FAM124A: variants seen among roughly 807,000 people sequenced by gnomAD.
FAM124A encodes the protein protein FAM124A.
A neutral mutation model predicts 24.5 loss-of-function variants in FAM124A; 23 were observed. The observed-to-expected ratio is 0.94, with a 90% CI of 0.68 to 1.33. FAM124A has a LOEUF of 1.33. Ranked by LOEUF, FAM124A falls within the 40% of genes most tolerant of loss-of-function variation. The probability of loss-of-function intolerance (pLI) is 0.00; values close to 1 mark genes in which losing one functional copy is unlikely to be tolerated. For synonymous variants in FAM124A, 287 were observed against 314.7 expected, an observed-to-expected ratio of 0.91 and a Z score of 0.93; for missense variants, 623 against 722.8, an observed-to-expected ratio of 0.86 and a Z score of 1.58.
chr13:51,282,082 T>C lies in FAM124A; in HGVS notation c.*826T>C, dbSNP rs1954945543. ...AAGAGCATTTGTTGGGATTACAGAATTATAGGCCATTAGACATCATGGGTA... is the reference window on the plus strand; with the variant it reads ...AAGAGCATTTGTTGGGATTACAGAACTATAGGCCATTAGACATCATGGGTA... On this transcript the variant is annotated 3_prime_UTR_variant, in exon 4 of 4. Coordinates refer to ENST00000322475, the MANE Select transcript of FAM124A (RefSeq NM_001242312.2). The C allele has an allele frequency of 6.6e-6, 1 of 152,234 alleles. No individual in the cohort carries two copies. The highest frequency in any genetic ancestry group is 6.5e-5 in the Admixed American group (1 of 15,284). 9.4% of individuals were successfully genotyped at this position (152,234 alleles called of 1,614,324 possible).
chr13:51,247,776 A>T (rs928015438), intron 2 of FAM124A, among the ~76,000 whole-genome samples: 1 of 152,230 alleles, frequency 6.6e-6, no homozygotes, highest in African/African-American at 2.4e-5. Context: ...GAGAAAAGTG[A>T]AATCCATTTA....
intron 2 of FAM124A, among the ~76,000 whole-genome samples, chr13:51,238,591 A>G (rs1267471107): frequency 6.6e-6 from 1 of 152,250 alleles, no homozygotes; most frequent in African/African-American, 2.4e-5. Context: ...AACACGGGAT[A>G]TATCCCTTAT....
intron 2 of FAM124A, among the ~76,000 whole-genome samples, chr13:51,243,788 G>C (rs774296781): frequency 8.5e-5 from 13 of 152,058 alleles, no homozygotes; most frequent in Non-Finnish European, 1.3e-4. Flanking sequence ...CACCTGCCTC[G>C]ATCTCCGAAA....
chr13:51,272,319 A>G lies in FAM124A; in HGVS notation c.835-8131A>G, dbSNP rs1954846662. Among the ~76,000 whole-genome samples the G allele has an allele frequency of 6.6e-6, 1 of 152,010 alleles. No individual in the cohort carries two copies. The highest frequency in any genetic ancestry group is 1.5e-5 in the Non-Finnish European group (1 of 68,006). The stretch of plus-strand genomic sequence containing the variant: ...CAAACCACACTCCCCTCCTGCCCGC[A>G]CTGATTGTCTCTTGTCTTTATCATT... On this transcript the variant is annotated intron_variant, in intron 3 of 3. Coordinates refer to ENST00000322475, the MANE Select transcript of FAM124A (RefSeq NM_001242312.2). The surrounding 1 kb of genome is among the most constrained non-coding windows in gnomAD (Gnocchi z 4.2).
chr13:51,255,959 C>T (rs1364896956), intron 3 of FAM124A, among the ~76,000 whole-genome samples: 1 of 152,206 alleles, frequency 6.6e-6, no homozygotes, highest in East Asian at 1.9e-4. Flanking sequence ...GTTCCTGGAG[C>T]CTATTCTCTA....
chr13:51,246,359 G>A (rs949188909), intron 2 of FAM124A, among the ~76,000 whole-genome samples: 2 of 138,334 alleles, frequency 1.4e-5, no homozygotes, highest in African/African-American at 5.1e-5. Context: ...CCCCTCAAAT[G>A]CTTGGTTTCC....
chr13:51,222,494 C>G lies in FAM124A; in HGVS notation c.-8C>G, dbSNP rs908232546. ...GCCCGCAAGCCGAGCGCGGCCGGGA[C>G]GTGCACCATGGACCCAAAGGCGGGC... is the stretch of plus-strand genomic sequence containing the variant. On this transcript the variant is annotated 5_prime_UTR_variant, in exon 1 of 4. Coordinates refer to ENST00000322475, the MANE Select transcript of FAM124A (RefSeq NM_001242312.2). 2.5e-6 allele frequency: 3 copies of G among 1,223,960 alleles called. No homozygotes were observed. The highest frequency in any genetic ancestry group is 1.6e-5 in the African/African-American group (1 of 63,490). 75.8% of individuals were successfully genotyped at this position (1,223,960 alleles called of 1,614,324 possible). A position where few individuals can be genotyped will look rare whatever the true frequency, so the allele number is the denominator to read the frequency against.
rs1054337775 is a variant in FAM124A at position 51,249,671 on chromosome 13, G to A, written c.101-1797G>A. Reference sequence around the variant, plus strand: ...ATTTAGGAGACTTTCAGTGTTAATCGTGTCTATAGATAACCTTTGCTTCAC... The same window carrying A: ...ATTTAGGAGACTTTCAGTGTTAATCATGTCTATAGATAACCTTTGCTTCAC... On this transcript the variant is annotated intron_variant, in intron 2 of 3. Coordinates refer to ENST00000322475, the MANE Select transcript of FAM124A (RefSeq NM_001242312.2). 6.6e-5 allele frequency among the ~76,000 whole-genome samples: 10 copies of A among 152,274 alleles called. 2 individuals carry two copies. Among genetic ancestry groups the A allele is most frequent in the Admixed American group, 3.9e-4 (6 of 15,290 alleles).
chr13:51,273,263 G>A (rs934123470), intron 3 of FAM124A, among the ~76,000 whole-genome samples: 1 of 152,100 alleles, frequency 6.6e-6, no homozygotes, highest in East Asian at 1.9e-4. Flanking sequence ...AGGTAGCCAG[G>A]GTGCTATTGG....
Position 51,252,115 on chromosome 13 carries a change from G to T in FAM124A, c.748G>T (p.Val250Leu). The change falls in exon 3 of 4, where the codon GTG (valine) becomes TTG (leucine). Residue 250 changes from valine (V) to leucine (L), a missense_variant. Val to Leu is a conservative substitution (Grantham distance 32). Transcript: ENST00000322475. ...CCGAGTGAGGGACATAGGCGAGCTC[G>T]TGCCTCTCCTGCCCAACCCTTGCAG... ...EFRVRDIGEL[V>L]PLLPNPCSPI... The T allele has an allele frequency of 2.5e-6, 4 of 1,614,052 alleles. No individual in the cohort carries two copies. Among genetic ancestry groups the T allele is most frequent in the Non-Finnish European group, 3.4e-6 (4 of 1,180,032 alleles).
rs192392497 is a variant in FAM124A, at chr13:51,283,650, C to T, written c.*2394C>T. Reference sequence around the variant, plus strand: ...CCCAGAAATGTGATTCAGTCAATAGCTGATGAGGAAAAGCAACCTGCAAAC... The same window carrying T: ...CCCAGAAATGTGATTCAGTCAATAGTTGATGAGGAAAAGCAACCTGCAAAC... On this transcript the variant is annotated 3_prime_UTR_variant, in exon 4 of 4. Transcript: ENST00000322475. The T allele has an allele frequency of 1.1e-4, 16 of 150,770 alleles. No individual in the cohort carries two copies. In the East Asian group the frequency reaches 2.5e-3, roughly 24 times the overall value. The allele number at this position is 150,770 out of a possible 1,614,324, so 9.3% of individuals were successfully genotyped here. A position where few individuals can be genotyped will look rare whatever the true frequency, so the allele number is the denominator to read the frequency against.
chr13:51,283,936 C>A lies in FAM124A; in HGVS notation c.*2680C>A, dbSNP rs1368374460. ...CAGTCCAATCTACCAAACTGAGTGA[C>A]CCTAAAGGACATCATAGACAACATT... On this transcript the variant is annotated 3_prime_UTR_variant, in exon 4 of 4. Coordinates refer to ENST00000322475, the MANE Select transcript of FAM124A (RefSeq NM_001242312.2). The A allele has an allele frequency of 6.6e-6, 1 of 152,186 alleles. No homozygotes were observed. The highest frequency in any genetic ancestry group is 2.4e-5 in the African/African-American group (1 of 41,418). The allele number at this position is 152,186 out of a possible 1,614,324, so 9.4% of individuals were successfully genotyped here. A position where few individuals can be genotyped will look rare whatever the true frequency, so the allele number is the denominator to read the frequency against.
At chr13:51,256,628 T>G (rs946151694) in intron 3 of FAM124A, among the ~76,000 whole-genome samples, 3 of 152,204 alleles carry the variant, frequency 2.0e-5, no homozygotes, top group Non-Finnish European at 4.4e-5. Context: ...CAGATGCCAC[T>G]GGGGATGTGA....
Position 51,251,489 on chromosome 13 carries a change from C to T in FAM124A, c.122C>T (p.Ala41Val), listed in dbSNP as rs1237073980. The T allele has an allele frequency of 7.3e-6, 11 of 1,509,128 alleles. No homozygotes were observed. The highest frequency in any genetic ancestry group is 9.7e-6 in the Non-Finnish European group (11 of 1,128,308). The allele number at this position is 1,509,128 out of a possible 1,614,324, so 93.5% of individuals were successfully genotyped here. ...STSSELSVEE[A>V]QDPFLVSIHI... ...CCAGGTGAGCTTTCCGTTGAAGAGGCGCAGGACCCTTTCCTGGTCAGCATC... is the reference window on the plus strand; with the variant it reads ...CCAGGTGAGCTTTCCGTTGAAGAGGTGCAGGACCCTTTCCTGGTCAGCATC... The change falls in exon 3 of 4, where the codon GCG becomes GTG. Residue 41 changes from alanine (A) to valine (V), a missense_variant. Coordinates refer to ENST00000322475, the MANE Select transcript of FAM124A (RefSeq NM_001242312.2). The surrounding 1 kb of genome is among the most constrained non-coding windows in gnomAD (Gnocchi z 5.3).
At chr13:51,228,310 C>T (rs1954337787) in intron 1 of FAM124A, among the ~76,000 whole-genome samples, 2 of 152,192 alleles carry the variant, frequency 1.3e-5, no homozygotes, top group East Asian at 1.9e-4. Flanking sequence ...TCTATGTAAT[C>T]CCTATATGTA....
chr13:51,283,438 C>G lies in FAM124A; in HGVS notation c.*2182C>G, dbSNP rs1244310653. The G allele has an allele frequency of 4.6e-5, 7 of 152,166 alleles. No individual in the cohort carries two copies. The highest frequency in any genetic ancestry group is 3.9e-4 in the Admixed American group (6 of 15,274). The allele number at this position is 152,166 out of a possible 1,614,324, so 9.4% of individuals were successfully genotyped here. A position where few individuals can be genotyped will look rare whatever the true frequency, so the allele number is the denominator to read the frequency against. On this transcript the variant is annotated 3_prime_UTR_variant, in exon 4 of 4. Coordinates refer to ENST00000322475, the MANE Select transcript of FAM124A (RefSeq NM_001242312.2). The stretch of plus-strand genomic sequence containing the variant: ...GCTAGGCTGCTGCCTGAGGTTGATT[C>G]AACATCCCAGCTCCAGTCAACAACA...
chr13:51,223,328 G>C (rs1954281447), intron 1 of FAM124A, among the ~76,000 whole-genome samples: 1 of 152,114 alleles, frequency 6.6e-6, no homozygotes, highest in South Asian at 2.1e-4. Flanking sequence ...TTTAGGAGAT[G>C]AATGTCGTTA....
intron 3 of FAM124A, among the ~76,000 whole-genome samples, chr13:51,255,391 A>G (rs577976917): frequency 1.3e-5 from 2 of 152,344 alleles, no homozygotes; most frequent in South Asian, 4.1e-4. Context: ...CACTAGACAC[A>G]TGTGGCTAGT....
rs537701203 is a variant in FAM124A at position 51,258,769 on chromosome 13, G to A, written c.834+6568G>A. 6.6e-5 allele frequency among the ~76,000 whole-genome samples: 10 copies of A among 152,346 alleles called. No individual in the cohort carries two copies. Among genetic ancestry groups the A allele is most frequent in the African/African-American group, 2.4e-4 (10 of 41,584 alleles). On this transcript the variant is annotated intron_variant, in intron 3 of 3. Coordinates refer to ENST00000322475, the MANE Select transcript of FAM124A (RefSeq NM_001242312.2). This position sits in a 1 kb window ranked among gnomAD's most constrained non-coding sequence, Gnocchi z 4.2. ...CCTAGCAGAGTCACTGAGACCTGTGGGAAGAATGCCTCTGGCGTGCCCTCG... is the reference window on the plus strand; with the variant it reads ...CCTAGCAGAGTCACTGAGACCTGTGAGAAGAATGCCTCTGGCGTGCCCTCG...
Sources: gnomAD v4.1 joint callset for allele counts (sites outside exome capture counted in the v4.1 genomes callset) on GRCh38, gnomAD v4.1.1 for gene constraint, Gnocchi (gnomAD v3.1) non-coding constraint, MANE v1.5 for transcripts, NCBI Gene and HGNC (gene_info 2026-07-23, HGNC 2026-07-21) for gene names.